ZC4H2: variants seen among roughly 807,000 people sequenced by gnomAD.
ZC4H2 encodes the protein zinc finger C4H2 domain-containing protein.
For missense variants in ZC4H2, 137 were observed against 173.9 expected (o/e 0.79, Z 1.19); for synonymous variants, 84 against 66.3 (o/e 1.27, Z -1.30).
In ZC4H2 at chrX:64,920,131, G is replaced by T; in HGVS notation, c.348C>A (p.Gly116=). Residue 116 remains glycine (G), a synonymous_variant, in exon 3 of 5, where the codon GGC becomes GGA. Coordinates refer to ENST00000374839, the MANE Select transcript of ZC4H2 (RefSeq NM_018684.4). Reference sequence around the variant, plus strand: ...CACACAAGTCAGGGAGCCTCTGCAGGCCCAGAGTCATGCGCAGGGCATCCA... The same window carrying T: ...CACACAAGTCAGGGAGCCTCTGCAGTCCCAGAGTCATGCGCAGGGCATCCA... ...EHVDALRMTL[G]LQRLPDLCEE... 8.3e-7 allele frequency: 1 copy of T among 1,211,556 alleles called. No homozygotes were observed. Among genetic ancestry groups the T allele is most frequent in the Non-Finnish European group, 1.1e-6 (1 of 895,440 alleles).
intron 1 of ZC4H2, among the ~76,000 whole-genome samples, chrX:64,950,753 G>A (rs936095911): frequency 9.0e-6 from 1 of 110,736 alleles, no homozygotes; most frequent in Non-Finnish European, 1.9e-5. Context: ...CCACATGTGA[G>A]ATGGGTTTCC....
intron 1 of ZC4H2, among the ~76,000 whole-genome samples, chrX:64,995,557 G>A (rs192225360): frequency 2.7e-3 from 306 of 112,072 alleles, no homozygotes; most frequent in African/African-American, 8.9e-3. Context: ...ACAGGGTTTC[G>A]CCATATTGCC....
At chrX:65,034,568 C>G (rs1932983854) in intron 1 of ZC4H2, 1 of 112,325 alleles carries the variant, frequency 8.9e-6, no homozygotes, top group Non-Finnish European at 1.9e-5. Flanking sequence ...ACGGTCGTAT[C>G]CCAAGTCCTC....
At chrX:64,979,064 A>C (rs756280138), upstream of ZC4H2, among the ~76,000 whole-genome samples, 1 of 111,931 alleles carries the variant, frequency 8.9e-6, no homozygotes, top group Non-Finnish European at 1.9e-5. Context: ...TAATTTGGGA[A>C]CTATCTTGTC....
chrX:64,931,856 T>C (rs920675674), intron 1 of ZC4H2, among the ~76,000 whole-genome samples: 1 of 111,932 alleles, frequency 8.9e-6, no homozygotes, highest in Non-Finnish European at 1.9e-5. Flanking sequence ...TTTGTAAATA[T>C]ATGTTAATTC....
intron 1 of ZC4H2, among the ~76,000 whole-genome samples, chrX:65,021,424 G>A (rs1200335035): frequency 9.0e-6 from 1 of 110,849 alleles, no homozygotes; most frequent in Non-Finnish European, 1.9e-5. Flanking sequence ...AATGACTATT[G>A]GGTAAATAAC....
At chrX:64,958,402 T>C (rs1169914870) in intron 1 of ZC4H2, among the ~76,000 whole-genome samples, 1 of 111,955 alleles carries the variant, frequency 8.9e-6, no homozygotes, top group Non-Finnish European at 1.9e-5. Flanking sequence ...TGTGTATTTG[T>C]GTGTGTGTAT....
At chrX:64,993,292 G>T (rs1399492365) in intron 1 of ZC4H2, among the ~76,000 whole-genome samples, 5 of 111,599 alleles carry the variant, frequency 4.5e-5, no homozygotes, top group African/African-American at 1.6e-4. Context: ...CAAGCTCCCT[G>T]TCTTGGTGTT....
chrX:64,918,959 C>T, intron 4 of ZC4H2, 83 bp downstream of exon 4: 2 of 1,089,790 alleles, frequency 1.8e-6, no homozygotes, highest in Non-Finnish European at 2.4e-6. Context: ...ATAAATAAAG[C>T]CAAAGACCCA....
chrX:64,982,604 G>C (rs1297575994), intron 1 of ZC4H2, among the ~76,000 whole-genome samples: 1 of 112,267 alleles, frequency 8.9e-6, no homozygotes, highest in Non-Finnish European at 1.9e-5. Context: ...ATTTAGGCTT[G>C]AGAAGACAAT....
Position 64,928,163 on chromosome X carries a change from T to C in ZC4H2, c.54-6175A>G, listed in dbSNP as rs1172503653. Among the ~76,000 whole-genome samples the C allele has an allele frequency of 5.3e-5, 6 of 112,340 alleles. No individual in the cohort carries two copies. The East Asian group carries it at 1.7e-3, about 31-fold the overall frequency. ...TTGTCAATTTTGGCTTTTGTTGCCA[T>C]TTCTTTTGGTGTTTTAGTCATGAAG... On this transcript the variant is annotated intron_variant, in intron 1 of 4. Coordinates refer to ENST00000374839, the MANE Select transcript of ZC4H2 (RefSeq NM_018684.4).
At chrX:65,004,629 T>G (rs986714885) in intron 1 of ZC4H2, among the ~76,000 whole-genome samples, 1 of 112,077 alleles carries the variant, frequency 8.9e-6, no homozygotes, top group East Asian at 2.8e-4. Context: ...AATATTGTAC[T>G]ATATGGGCAA....
intron 1 of ZC4H2, among the ~76,000 whole-genome samples, chrX:65,003,611 C>T (rs1932596496): frequency 9.0e-6 from 1 of 111,443 alleles, no homozygotes; most frequent in Non-Finnish European, 1.9e-5. Context: ...GGCGTGGTGG[C>T]TCATGCCTGT....
chrX:64,932,341 G>A (rs180683417), intron 1 of ZC4H2, among the ~76,000 whole-genome samples: 83 of 111,240 alleles, frequency 7.5e-4, no homozygotes, highest in African/African-American at 2.3e-3. Flanking sequence ...TAAGTGTAGC[G>A]TTGAGGCCCA....
chrX:64,949,796 C>A (rs966813312), intron 1 of ZC4H2, among the ~76,000 whole-genome samples: 3 of 111,325 alleles, frequency 2.7e-5, no homozygotes, highest in African/African-American at 9.8e-5. Context: ...TTCAAAAAAC[C>A]AGCTCCTGGA....
At chrX:64,918,957 A>T in intron 4 of ZC4H2, 85 bp downstream of exon 4, 1 of 1,080,321 alleles carries the variant, frequency 9.3e-7, no homozygotes, top group Non-Finnish European at 1.2e-6. Context: ...GCATAAATAA[A>T]GCCAAAGACC....
chrX:64,979,097 A>G (rs927608874), upstream of ZC4H2, among the ~76,000 whole-genome samples: 44 of 111,918 alleles, frequency 3.9e-4, no homozygotes, highest in African/African-American at 1.4e-3. Flanking sequence ...CCGAAATCCT[A>G]GTTTACAGAT....
intron 1 of ZC4H2, among the ~76,000 whole-genome samples, chrX:64,923,630 G>T (rs1313352188): frequency 4.6e-5 from 5 of 109,656 alleles, no homozygotes; most frequent in Non-Finnish European, 9.5e-5. Flanking sequence ...TGGGTAGGAT[G>T]GTGGGAGAAG....
intron 4 of ZC4H2, 98 bp downstream of exon 4, chrX:64,918,944 C>T: frequency 9.6e-7 from 1 of 1,041,019 alleles, no homozygotes. Flanking sequence ...AAAAGAAGGC[C>T]CAGCATAAAT....
Sources: allele counts gnomAD v4.1 joint callset (sites outside exome capture counted in the v4.1 genomes callset), GRCh38; gene constraint gnomAD v4.1.1; transcripts MANE v1.5; gene names NCBI Gene and HGNC (gene_info 2026-07-23, HGNC 2026-07-21).